Variants in LRRC4C observed in about 807,000 individuals in gnomAD.
The protein encoded by LRRC4C is leucine-rich repeat-containing protein 4C.
A neutral mutation model predicts 33.6 loss-of-function variants in LRRC4C; 5 were observed. The observed-to-expected ratio is 0.15, with a 90% CI of 0.08 to 0.31. LRRC4C has a LOEUF of 0.31. Ranked by LOEUF, LRRC4C falls within the 10% of genes least tolerant of loss-of-function variation. The probability of loss-of-function intolerance (pLI) is 1.00; values close to 1 mark genes in which losing one functional copy is unlikely to be tolerated. For synonymous variants in LRRC4C, 329 were observed against 302.0 expected, an observed-to-expected ratio of 1.09 and a Z score of -0.93; for missense variants, 560 against 796.7, an observed-to-expected ratio of 0.70 and a Z score of 3.58.
At chr11:40,307,709 A>G (rs572508156) in intron 4 of LRRC4C, among the ~76,000 whole-genome samples, 1 of 152,326 alleles carries the variant, frequency 6.6e-6, no homozygotes, top group African/African-American at 2.4e-5. Context: ...TTGCTGGCAT[A>G]TATTAGTTGC....
chr11:41,163,224 C>A (rs12279538), intron 1 of LRRC4C, among the ~76,000 whole-genome samples: 1 of 149,268 alleles, frequency 6.7e-6, no homozygotes, highest in African/African-American at 2.5e-5. Flanking sequence ...TCTTCCCAGT[C>A]TCAGGTATGT....
intron 2 of LRRC4C, among the ~76,000 whole-genome samples, chr11:40,715,160 C>T (rs11036035): frequency 0.19 from 28,574 of 152,116 alleles, 3,024 homozygotes; most frequent in African/African-American, 0.27. Context: ...AGACAAGATA[C>T]ATATGCTACT....
intron 1 of LRRC4C, among the ~76,000 whole-genome samples, chr11:41,265,591 G>A (rs1282574294): frequency 1.3e-5 from 2 of 151,912 alleles, no homozygotes; most frequent in Non-Finnish European, 2.9e-5. Flanking sequence ...AAGAAAGAAG[G>A]GAAGAATCAG....
At chr11:40,270,595 T>C (rs1464880585) in intron 4 of LRRC4C, among the ~76,000 whole-genome samples, 1 of 152,106 alleles carries the variant, frequency 6.6e-6, no homozygotes, top group Non-Finnish European at 1.5e-5. Flanking sequence ...TTCTTCTTTC[T>C]TTGAACAGAA....
In LRRC4C at chr11:40,574,073, T is replaced by G. The variant is rs77461790; in HGVS notation, c.-270+74069A>C. On this transcript the variant is annotated intron_variant, in intron 3 of 6. Coordinates refer to ENST00000528697, the MANE Select transcript of LRRC4C (RefSeq NM_001258419.2). Reference sequence around the variant, plus strand: ...GTTAAAGAGTGTGAGATAGTATATGTATGATATTAAACATAAAATATATTT... The same window carrying G: ...GTTAAAGAGTGTGAGATAGTATATGGATGATATTAAACATAAAATATATTT... Among the ~76,000 whole-genome samples, 1,020 of 152,344 alleles carry G rather than the reference T, an allele frequency of 6.7e-3. 6 individuals are homozygous for G. The highest frequency in any genetic ancestry group is 0.024 in the African/African-American group (982 of 41,570).
At chr11:40,323,864 C>T (rs542752200) in intron 3 of LRRC4C, among the ~76,000 whole-genome samples, 3 of 152,188 alleles carry the variant, frequency 2.0e-5, no homozygotes, top group East Asian at 1.9e-4. Context: ...TAGGTGGTAT[C>T]AGAGGTAGCT....
intron 4 of LRRC4C, among the ~76,000 whole-genome samples, chr11:40,260,434 T>G (rs1867613789): frequency 6.8e-6 from 1 of 146,120 alleles, no homozygotes; most frequent in African/African-American, 2.5e-5. Flanking sequence ...GGGATAGCAT[T>G]GGGAGATATA....
intron 1 of LRRC4C, among the ~76,000 whole-genome samples, chr11:41,268,908 T>C (rs1221657421): frequency 6.6e-6 from 1 of 151,792 alleles, no homozygotes; most frequent in African/African-American, 2.4e-5. Context: ...ACAGCATAAA[T>C]GCACAAAATC....
chr11:41,162,937 C>G (rs1944539294), intron 1 of LRRC4C, among the ~76,000 whole-genome samples: 1 of 152,146 alleles, frequency 6.6e-6, no homozygotes. Flanking sequence ...CCACCCAAAT[C>G]TCATCTGGAA....
At chr11:40,961,333 G>T (rs1302253425) in intron 1 of LRRC4C, among the ~76,000 whole-genome samples, 1 of 151,556 alleles carries the variant, frequency 6.6e-6, no homozygotes, top group Non-Finnish European at 1.5e-5. Context: ...CTGAAACATT[G>T]AGGCTCCATT....
At chr11:40,236,094 T>G (rs1343465050) in intron 5 of LRRC4C, among the ~76,000 whole-genome samples, 1 of 150,156 alleles carries the variant, frequency 6.7e-6, no homozygotes, top group Non-Finnish European at 1.5e-5. Context: ...CTTCAGCCTA[T>G]GAAAAAAAAA....
chr11:40,206,742 C>T (rs1244457102), intron 5 of LRRC4C, among the ~76,000 whole-genome samples: 1 of 152,084 alleles, frequency 6.6e-6, no homozygotes, highest in Non-Finnish European at 1.5e-5. Context: ...CTAAATCATG[C>T]TACTGTTAGG....
At chr11:40,334,644 T>A (rs1251660242) in intron 3 of LRRC4C, among the ~76,000 whole-genome samples, 2 of 152,300 alleles carry the variant, frequency 1.3e-5, no homozygotes, top group East Asian at 3.9e-4. Context: ...CAGATAAATC[T>A]ATAATACATA....
intron 1 of LRRC4C, among the ~76,000 whole-genome samples, chr11:41,069,995 T>A (rs759412236): frequency 6.6e-6 from 1 of 152,142 alleles, no homozygotes; most frequent in Non-Finnish European, 1.5e-5. Context: ...ACTGGAAGCA[T>A]CATGTTACCT....
rs1456089738 is a variant in LRRC4C at position 40,648,126 on chromosome 11, T to C, written c.-270+16A>G. 2 of 152,174 alleles carry C rather than the reference T, an allele frequency of 1.3e-5. No individual in the cohort carries two copies. The highest frequency in any genetic ancestry group is 4.8e-5 in the African/African-American group (2 of 41,434). 9.4% of individuals were successfully genotyped at this position (152,174 alleles called of 1,614,324 possible). A position where few individuals can be genotyped will look rare whatever the true frequency, so the allele number is the denominator to read the frequency against. On this transcript the variant is annotated intron_variant, in intron 3 of 6. Coordinates refer to ENST00000528697, the MANE Select transcript of LRRC4C (RefSeq NM_001258419.2). ...TTTGAAGGATTCTAATGGAAAAAAT[T>C]ATACCTCTCACTTACCTGTAGCAAA...
chr11:40,972,593 G>T (rs1308595502), intron 1 of LRRC4C, among the ~76,000 whole-genome samples: 1 of 152,118 alleles, frequency 6.6e-6, no homozygotes, highest in East Asian at 1.9e-4. Context: ...AGTTCAGCAT[G>T]GCTTGGGAGG....
At chr11:40,665,343 T>TATATATAC (rs1943729331) in intron 2 of LRRC4C, among the ~76,000 whole-genome samples, 1 of 15,146 alleles carries the variant, frequency 6.6e-5, no homozygotes, top group African/African-American at 1.9e-4. Context: ...TATATATATA[T>TATATATAC]ATATATATAT....
chr11:40,711,612 T>C (rs1426412268), intron 2 of LRRC4C, among the ~76,000 whole-genome samples: 1 of 151,910 alleles, frequency 6.6e-6, no homozygotes, highest in East Asian at 1.9e-4. Context: ...AATAGTTTGA[T>C]AAACATTACT....
intron 3 of LRRC4C, among the ~76,000 whole-genome samples, chr11:40,627,703 A>T (rs1478187781): frequency 6.6e-6 from 1 of 152,100 alleles, no homozygotes; most frequent in Non-Finnish European, 1.5e-5. Flanking sequence ...ACAGATAGAC[A>T]AGAGAATACA....
Sources: allele counts gnomAD v4.1 joint callset (sites outside exome capture counted in the v4.1 genomes callset), GRCh38; gene constraint gnomAD v4.1.1; transcripts MANE v1.5; gene names NCBI Gene and HGNC (gene_info 2026-07-23, HGNC 2026-07-21).